The following CKMT2 variants were observed in gnomAD, a reference collection of about 807,000 sequenced individuals.
CKMT2 encodes creatine kinase S-type, mitochondrial.
CKMT2 carries 43 observed loss-of-function variants against 48.9 expected under a neutral mutation model. That is an observed-to-expected ratio of 0.88 (90% CI 0.69 to 1.13). The LOEUF is 1.13. Ranked by LOEUF, CKMT2 falls within the 50% of genes most tolerant of loss-of-function variation. The pLI is 0.00. For missense variants in CKMT2, 472 were observed against 555.4 expected (o/e 0.85, Z 1.51); for synonymous variants, 206 against 213.0 (o/e 0.97, Z 0.29).
chr5:81,233,534 A>T (rs184401065), intron 1 of CKMT2, among the ~76,000 whole-genome samples, 157 bp downstream of exon 1: 7 of 152,344 alleles, frequency 4.6e-5, no homozygotes, highest in Non-Finnish European at 8.8e-5. Context: ...TAAAGCCAGC[A>T]GAGCTCCCGC....
rs1431721995 is a variant in CKMT2, at chr5:81,255,217, G to A, written c.669+3G>A. On this transcript the variant is annotated splice_donor_region_variant and intron_variant, in intron 5 of 9. Coordinates refer to ENST00000254035, the MANE Select transcript of CKMT2 (RefSeq NM_001099735.2). ...AGGACCAGCAGCGGCTCATCGATGT[G>A]AGTAGCAGATGGGGCTCCCTGGGGA... The A allele has an allele frequency of 6.2e-7, 1 of 1,613,572 alleles. No individual in the cohort carries two copies. Among genetic ancestry groups the A allele is most frequent in the Non-Finnish European group, 8.5e-7 (1 of 1,179,714 alleles).
At chr5:81,241,165 C>G (rs964695939) in intron 1 of CKMT2, among the ~76,000 whole-genome samples, 1 of 152,180 alleles carries the variant, frequency 6.6e-6, no homozygotes, top group Non-Finnish European at 1.5e-5. Flanking sequence ...GTGGAATTCC[C>G]AGTGATTGTC....
At chr5:81,244,623 G>C (rs1756546457) in intron 1 of CKMT2, 1 of 152,188 alleles carries the variant, frequency 6.6e-6, no homozygotes, top group Non-Finnish European at 1.5e-5. Flanking sequence ...GAGTGGACGA[G>C]TATACCAAAG....
In CKMT2 at chr5:81,244,082, C is replaced by T. The variant is rs953951987; in HGVS notation, c.-20-7031C>T. ...TCCCTTTGTCCCGTTTCACACTAAA[C>T]GGGTTGGGGAGGAACCAGGGGAGAT... On this transcript the variant is annotated intron_variant, in intron 1 of 9. Coordinates refer to ENST00000254035, the MANE Select transcript of CKMT2 (RefSeq NM_001099735.2). 12 of 985,374 alleles carry T rather than the reference C, an allele frequency of 1.2e-5. No individual in the cohort carries two copies. The South Asian group carries it at 1.9e-4, about 15-fold the overall frequency. 61.0% of individuals were successfully genotyped at this position (985,374 alleles called of 1,614,324 possible).
chr5:81,258,814 C>T (rs1010679891), intron 7 of CKMT2, among the ~76,000 whole-genome samples: 3 of 152,108 alleles, frequency 2.0e-5, no homozygotes, highest in Admixed American at 2.0e-4. Flanking sequence ...AGTTTCATCC[C>T]AAAATATTCC....
At chr5:81,241,629 T>A (rs1756437445) in intron 1 of CKMT2, among the ~76,000 whole-genome samples, 1 of 152,176 alleles carries the variant, frequency 6.6e-6, no homozygotes, top group South Asian at 2.1e-4. Context: ...ACACAAATGG[T>A]CACCAGGTGA....
chr5:81,238,599 TCA>T (rs1756327922), intron 1 of CKMT2: 1 of 152,324 alleles, frequency 6.6e-6, no homozygotes, highest in Non-Finnish European at 1.5e-5. Context: ...GTCCCAGGTC[TCA>T]CAGTTTGTTC....
Position 81,259,710 on chromosome 5 carries a change from G to A in CKMT2, c.1014+456G>A, listed in dbSNP as rs1005782362. On this transcript the variant is annotated intron_variant, in intron 8 of 9. Coordinates refer to ENST00000254035, the MANE Select transcript of CKMT2 (RefSeq NM_001099735.2). ...GTTGGTCAAGGGACTACACTTGGAG[G>A]AACGCTGTCTTAGAGCACTCTTCTT... Among the ~76,000 whole-genome samples, 13 of 152,246 alleles carry A rather than the reference G, an allele frequency of 8.5e-5. No individual in the cohort carries two copies. In the East Asian group the frequency reaches 1.7e-3, roughly 20 times the overall value.
intron 4 of CKMT2, 117 bp from the exon 5 acceptor site, chr5:81,254,876 G>T: frequency 2.4e-6 from 2 of 837,074 alleles, no homozygotes; most frequent in Non-Finnish European, 4.0e-6. Flanking sequence ...TTGTGCAGTC[G>T]TGCACAGTGC....
At chr5:81,265,878 G>T (rs1386265906) in intron 9 of CKMT2, among the ~76,000 whole-genome samples, 7 of 152,112 alleles carry the variant, frequency 4.6e-5, no homozygotes, top group Non-Finnish European at 1.5e-5. Context: ...GCAGACACTG[G>T]TAGGAAAAAA....
At chr5:81,259,027 A>G in intron 7 of CKMT2, 93 bp from the exon 8 acceptor site, 2 of 1,173,762 alleles carry the variant, frequency 1.7e-6, no homozygotes, top group Admixed American at 2.1e-5. Context: ...ATGCCAGAGG[A>G]GGGTACACAT....
Position 81,242,262 on chromosome 5 carries a change from T to A in CKMT2, c.-20-8851T>A. ...AAAATCCATGTCTGAAAGAAATGTGTGTCACATCATATAAGTAGATTTCAT... is the reference window on the plus strand; with the variant it reads ...AAAATCCATGTCTGAAAGAAATGTGAGTCACATCATATAAGTAGATTTCAT... On this transcript the variant is annotated intron_variant, in intron 1 of 9. Transcript: ENST00000254035. 7.4e-6 allele frequency: 2 copies of A among 270,410 alleles called. 1 individual carries two copies. Among genetic ancestry groups the A allele is most frequent in the South Asian group, 8.3e-5 (2 of 24,022 alleles). The allele number at this position is 270,410 out of a possible 1,614,324, so 16.8% of individuals were successfully genotyped here. A position where few individuals can be genotyped will look rare whatever the true frequency, so the allele number is the denominator to read the frequency against.
At chr5:81,236,546 G>A (rs1019418397) in intron 1 of CKMT2, among the ~76,000 whole-genome samples, 2 of 152,146 alleles carry the variant, frequency 1.3e-5, no homozygotes, top group Non-Finnish European at 2.9e-5. Flanking sequence ...GCTCATGATA[G>A]GAGCTCATAA....
chr5:81,256,138 G>A (rs767947976), intron 5 of CKMT2, among the ~76,000 whole-genome samples: 2 of 152,114 alleles, frequency 1.3e-5, no homozygotes, highest in Non-Finnish European at 2.9e-5. Context: ...TAGAGTATGT[G>A]TGTAACTATG....
At chr5:81,263,970 C>A (rs916710797) in intron 9 of CKMT2, among the ~76,000 whole-genome samples, 4 of 152,168 alleles carry the variant, frequency 2.6e-5, no homozygotes, top group Non-Finnish European at 5.9e-5. Flanking sequence ...TCTATGCTAT[C>A]CCTCTGAGGG....
At chr5:81,263,337 CAATA>C (rs1757290057) in intron 8 of CKMT2, among the ~76,000 whole-genome samples, 150 bp from the exon 9 acceptor site, 1 of 148,558 alleles carries the variant, frequency 6.7e-6, no homozygotes, top group African/African-American at 2.5e-5. Flanking sequence ...TCTATATATT[CAATA>C]TATATATCTA....
intron 6 of CKMT2, 140 bp downstream of exon 6, chr5:81,257,140 A>T: frequency 1.2e-5 from 6 of 521,322 alleles, no homozygotes; most frequent in Non-Finnish European, 2.0e-5. Context: ...ACTACTTGGA[A>T]AGTGTGTGTG....
Position 81,257,365 on chromosome 5 carries a change from C to A in CKMT2, c.755+365C>A, listed in dbSNP as rs1165985138. The stretch of plus-strand genomic sequence containing the variant: ...CTTCAACATCTTGGGTGGAAGGTAA[C>A]CCCCACCCGCTTTTTAGAGCACAAG... On this transcript the variant is annotated intron_variant, in intron 6 of 9. Coordinates refer to ENST00000254035, the MANE Select transcript of CKMT2 (RefSeq NM_001099735.2). Among the ~76,000 whole-genome samples, 8 of 148,532 alleles carry A rather than the reference C, an allele frequency of 5.4e-5. No homozygotes were observed. The East Asian group carries it at 1.5e-3, about 29-fold the overall frequency.
intron 1 of CKMT2, among the ~76,000 whole-genome samples, chr5:81,248,813 T>A (rs1756700528): frequency 6.6e-6 from 1 of 152,222 alleles, no homozygotes; most frequent in Non-Finnish European, 1.5e-5. Flanking sequence ...CTTGCACACA[T>A]AAACATTCTC....
Sources: allele counts gnomAD v4.1 joint callset (sites outside exome capture counted in the v4.1 genomes callset), GRCh38; gene constraint gnomAD v4.1.1; transcripts MANE v1.5; gene names NCBI Gene and HGNC (gene_info 2026-07-23, HGNC 2026-07-21).